The following ATP11A variants were observed in gnomAD, a reference collection of about 807,000 sequenced individuals.
ATP11A encodes phospholipid-transporting ATPase IH.
A neutral mutation model predicts 154.4 loss-of-function variants in ATP11A; 81 were observed. That is an observed-to-expected ratio of 0.52 (90% CI 0.44 to 0.63). The LOEUF (loss-of-function observed/expected upper bound fraction) is 0.63, where lower values mean the gene tolerates loss of function less well. Among genes scored for constraint, ATP11A ranks in the 30% least tolerant of loss-of-function variants. ATP11A has a pLI of 0.00. For missense variants in ATP11A, 1,316 were observed against 1,474.3 expected, an observed-to-expected ratio of 0.89 and a Z score of 1.76; for synonymous variants, 623 against 585.9, an observed-to-expected ratio of 1.06 and a Z score of -0.91.
chr13:112,849,960 G>A (rs2079716485), intron 17 of ATP11A, among the ~76,000 whole-genome samples: 1 of 152,170 alleles, frequency 6.6e-6, no homozygotes, highest in Non-Finnish European at 1.5e-5. Flanking sequence ...GTTCCAGAAT[G>A]TTCCTGGAGA....
Position 112,827,521 on chromosome 13 carries a change from C to T in ATP11A, c.1221+630C>T, listed in dbSNP as rs76769109. Among the ~76,000 whole-genome samples the T allele has an allele frequency of 5.1e-4, 78 of 152,350 alleles. 1 individual carries two copies. The East Asian group carries it at 0.014, about 28-fold the overall frequency. On this transcript the variant is annotated intron_variant, in intron 12 of 29. Coordinates refer to ENST00000375645, the MANE Select transcript of ATP11A (RefSeq NM_015205.3). ...GCACCACCGGGAGGCACACACCAGA[C>T]CTGCTGGCTTGAAGGGAGCTAGGGA...
At chr13:112,813,455 T>G (rs139613973) in intron 5 of ATP11A, among the ~76,000 whole-genome samples, 2,490 of 152,292 alleles carry the variant, frequency 0.016, 32 homozygotes, top group Non-Finnish European at 0.027. Flanking sequence ...CCTTCCCTTG[T>G]ATTGCTAAGG....
intron 1 of ATP11A, among the ~76,000 whole-genome samples, chr13:112,728,983 C>G (rs1295143329): frequency 6.6e-6 from 1 of 152,126 alleles, no homozygotes; most frequent in Non-Finnish European, 1.5e-5. Context: ...TGATCAGAGG[C>G]TTGACTAAAG....
intron 2 of ATP11A, among the ~76,000 whole-genome samples, chr13:112,797,766 A>G (rs1170380031): frequency 6.6e-6 from 1 of 152,222 alleles, no homozygotes; most frequent in Non-Finnish European, 1.5e-5. Flanking sequence ...CCCTTGCAAG[A>G]AATGTTAAAA....
rs1241809540 is a variant in ATP11A, at chr13:112,746,733, AG to A, written c.40-38401del. On this transcript the variant is annotated intron_variant, in intron 1 of 29. Coordinates refer to ENST00000375645, the MANE Select transcript of ATP11A (RefSeq NM_015205.3). The surrounding 1 kb of genome is among the most constrained non-coding windows in gnomAD (Gnocchi z 4.1). The stretch of plus-strand genomic sequence containing the variant: ...GCTAATTAAAAAAAAAAAAAAAAAA[AG>A]ACAACTTTTTTTGGAGAGGGAGGGT... The A allele has an allele frequency of 6.8e-5, 10 of 146,420 alleles. No homozygotes were observed. Among genetic ancestry groups the A allele is most frequent in the Non-Finnish European group, 1.0e-4 (7 of 66,818 alleles). 9.1% of individuals were successfully genotyped at this position (146,420 alleles called of 1,614,324 possible).
chr13:112,801,367 C>T (rs997344299), intron 2 of ATP11A, among the ~76,000 whole-genome samples: 23 of 147,914 alleles, frequency 1.6e-4, no homozygotes, highest in Admixed American at 4.7e-4. Context: ...GATGATTTCA[C>T]CCTAAGATTG....
chr13:112,823,307 T>C, intron 8 of ATP11A, 38 bp from the exon 9 acceptor site: 1 of 1,582,518 alleles, frequency 6.3e-7, no homozygotes, highest in Non-Finnish European at 8.7e-7. Context: ...CCACTTGCCT[T>C]CGTGTCCGCA....
chr13:112,821,588 G>A (rs2078799082), intron 8 of ATP11A, among the ~76,000 whole-genome samples: 2 of 152,144 alleles, frequency 1.3e-5, no homozygotes, highest in Non-Finnish European at 2.9e-5. Context: ...TGGGATTATA[G>A]GCATGAGCCA....
rs913350630 is a variant in ATP11A, at chr13:112,784,360, T to G, written c.40-775T>G. On this transcript the variant is annotated intron_variant, in intron 1 of 29. Coordinates refer to ENST00000375645, the MANE Select transcript of ATP11A (RefSeq NM_015205.3). Reference sequence around the variant, plus strand: ...AAGCTGCCTCTGCCCCAGCCCTGTTTTCACCAGTCCTCAATCTGGTCCGGT... The same window carrying G: ...AAGCTGCCTCTGCCCCAGCCCTGTTGTCACCAGTCCTCAATCTGGTCCGGT... Among the ~76,000 whole-genome samples, 10 of 152,280 alleles carry G rather than the reference T, an allele frequency of 6.6e-5. No individual in the cohort carries two copies. In the East Asian group the frequency reaches 1.5e-3, roughly 24 times the overall value.
rs282588 is a variant in ATP11A, at chr13:112,697,816, C to T, written c.39+7361C>T. On this transcript the variant is annotated intron_variant, in intron 1 of 29. Transcript: ENST00000375645. The surrounding 1 kb of genome is among the most constrained non-coding windows in gnomAD (Gnocchi z 4.0). ...CTCGAACTCCTGACCTCAGATGATC[C>T]GCCCACCTCTGCTTCCCAAAGTGCT... 0.83 allele frequency among the ~76,000 whole-genome samples: 124,767 copies of T among 150,654 alleles called. 52,163 individuals carry two copies. The highest frequency in any genetic ancestry group is 0.95 in the East Asian group (4,868 of 5,100).
chr13:112,862,623 C>T (rs750169699), intron 25 of ATP11A, 48 bp downstream of exon 25: 1 of 1,610,478 alleles, frequency 6.2e-7, no homozygotes, highest in East Asian at 2.2e-5. Flanking sequence ...AGGAATAAAG[C>T]CTCCCAAGCC....
intron 4 of ATP11A, 123 bp downstream of exon 4, chr13:112,806,416 A>T (rs1338909441): frequency 1.4e-6 from 1 of 735,604 alleles, no homozygotes; most frequent in East Asian, 2.5e-5. Flanking sequence ...AAGTTCTAGA[A>T]ATTCATTTTT....
chr13:112,858,502 G>A, intron 22 of ATP11A: 1 of 485,886 alleles, frequency 2.1e-6, no homozygotes, highest in Non-Finnish European at 3.5e-6. Context: ...GTCAACCCAT[G>A]CCCAAAAATA....
intron 1 of ATP11A, among the ~76,000 whole-genome samples, chr13:112,767,515 T>G (rs2077123032): frequency 1.4e-5 from 2 of 140,032 alleles, no homozygotes; most frequent in Non-Finnish European, 3.1e-5. Flanking sequence ...TGTAGGGGTA[T>G]CGGGGGCCCC....
intron 1 of ATP11A, among the ~76,000 whole-genome samples, chr13:112,737,872 T>A (rs1891156300): frequency 6.6e-6 from 1 of 152,210 alleles, no homozygotes. Context: ...CTGGCCTCTC[T>A]GCTTTTTCGT....
At position 112,729,489 on chromosome 13, in the gene ATP11A, G is replaced by A. The variant is rs9285619; in HGVS notation, c.39+39034G>A. Reference sequence around the variant, plus strand: ...GGCCCAGAGTATCTAACGCGTCTGCGTGTGAACAGTGTCGGAAGGCACTGA... The same window carrying A: ...GGCCCAGAGTATCTAACGCGTCTGCATGTGAACAGTGTCGGAAGGCACTGA... On this transcript the variant is annotated intron_variant, in intron 1 of 29. Transcript: ENST00000375645. Among the ~76,000 whole-genome samples the A allele has an allele frequency of 4.0e-3, 600 of 151,852 alleles. 2 individuals carry two copies. The highest frequency in any genetic ancestry group is 0.014 in the African/African-American group (570 of 41,156).
intron 24 of ATP11A, among the ~76,000 whole-genome samples, chr13:112,861,843 A>G (rs527566939): frequency 6.6e-6 from 1 of 151,760 alleles, no homozygotes; most frequent in East Asian, 1.9e-4. Flanking sequence ...GGAATCCTGC[A>G]AATTCTGTCT....
At position 112,875,756 on chromosome 13, in the gene ATP11A, T is replaced by C. The variant is rs1320800277; in HGVS notation, c.3162-20T>C. 1 of 1,609,482 alleles carries C rather than the reference T, an allele frequency of 6.2e-7. No individual in the cohort carries two copies. The highest frequency in any genetic ancestry group is 8.5e-7 in the Non-Finnish European group (1 of 1,176,752). On this transcript the variant is annotated intron_variant, in intron 27 of 29. Transcript: ENST00000375645. This position sits in a 1 kb window ranked among gnomAD's most constrained non-coding sequence, Gnocchi z 4.1. ...AGGGAGTACATGCCTCACCAGCGGCTTCTCTTCCCTGCCCCTCAGGCCGTT... is the reference window on the plus strand; with the variant it reads ...AGGGAGTACATGCCTCACCAGCGGCCTCTCTTCCCTGCCCCTCAGGCCGTT...
intron 12 of ATP11A, among the ~76,000 whole-genome samples, chr13:112,829,575 A>G (rs770479507): frequency 9.9e-5 from 15 of 152,228 alleles, no homozygotes; most frequent in Non-Finnish European, 1.9e-4. Context: ...AATAAAGGCC[A>G]TAAATGAGAA....
Sources: gnomAD v4.1 joint callset for allele counts (sites outside exome capture counted in the v4.1 genomes callset) on GRCh38, gnomAD v4.1.1 for gene constraint, Gnocchi (gnomAD v3.1) non-coding constraint, MANE v1.5 for transcripts, NCBI Gene and HGNC (gene_info 2026-07-23, HGNC 2026-07-21) for gene names.